Variants in AUTS2 observed in about 807,000 individuals in gnomAD.
The protein encoded by AUTS2 is activator of transcription and developmental regulator AUTS2.
In AUTS2, 17 loss-of-function variants were observed where a neutral mutation model predicts 112.4. The ratio of observed to expected loss-of-function variants is 0.15; its 90% CI spans 0.10 to 0.23. The LOEUF (loss-of-function observed/expected upper bound fraction) is 0.23, where lower values mean the gene tolerates loss of function less well. Ranked by LOEUF, AUTS2 falls within the 10% of genes least tolerant of loss-of-function variation. The pLI, the probability that AUTS2 is intolerant of heterozygous loss-of-function variation, is 1.00. For synonymous variants in AUTS2, 751 were observed against 702.7 expected (o/e 1.07, Z -1.09); for missense variants, 1,510 against 1,701.6 (o/e 0.89, Z 1.98).
chr7:70,156,890 G>GCA lies in AUTS2; in HGVS notation c.660+22319_660+22320insCA, dbSNP rs1357928695. Among the ~76,000 whole-genome samples the GCA allele has an allele frequency of 6.5e-3, 39 of 6,018 alleles. 1 individual carries two copies. Among genetic ancestry groups the GCA allele is most frequent in the Middle Eastern group, 0.12 (1 of 8 alleles). 3.9% of individuals were successfully genotyped at this position (6,018 alleles called of 152,430 possible). ...TAGTGAAACCCCATCTCTACTAAAA[G>GCA]TAAAAAAAAAAAAAAAAAAAAAAAA... On this transcript the variant is annotated intron_variant, in intron 4 of 18. Coordinates refer to ENST00000342771, the MANE Select transcript of AUTS2 (RefSeq NM_015570.4).
chr7:70,665,453 A>ATT (rs1807291501), intron 5 of AUTS2, among the ~76,000 whole-genome samples: 1 of 150,108 alleles, frequency 6.7e-6, no homozygotes, highest in South Asian at 2.1e-4. Context: ...CTATTTATCT[A>ATT]TTTATTTATT....
intron 4 of AUTS2, among the ~76,000 whole-genome samples, chr7:70,346,939 G>T (rs796995631): frequency 6.6e-6 from 1 of 152,140 alleles, no homozygotes; most frequent in African/African-American, 2.4e-5. Flanking sequence ...TTCTGGCCAC[G>T]TGAACTACAT....
intron 5 of AUTS2, among the ~76,000 whole-genome samples, chr7:70,593,596 C>T (rs1364109883): frequency 6.6e-6 from 1 of 152,180 alleles, no homozygotes; most frequent in Non-Finnish European, 1.5e-5. Flanking sequence ...GTTCACTGCA[C>T]ATGTCTTAAT....
intron 5 of AUTS2, among the ~76,000 whole-genome samples, chr7:70,674,429 T>C (rs1382407892): frequency 2.6e-5 from 4 of 152,212 alleles, no homozygotes; most frequent in Admixed American, 2.6e-4. Flanking sequence ...GATTGCAGTC[T>C]TTCAGAGATA....
intron 2 of AUTS2, among the ~76,000 whole-genome samples, chr7:69,932,040 T>C (rs1043762387): frequency 6.6e-6 from 1 of 152,238 alleles, no homozygotes; most frequent in African/African-American, 2.4e-5. Flanking sequence ...CCCCTGAGTC[T>C]GGAGGTCTGG....
At chr7:70,074,662 A>T (rs369721550) in intron 2 of AUTS2, among the ~76,000 whole-genome samples, 2 of 152,164 alleles carry the variant, frequency 1.3e-5, no homozygotes, top group East Asian at 1.9e-4. Flanking sequence ...CTAAGATTGA[A>T]GTCCTGTCAT....
chr7:70,052,714 C>T (rs1316295647), intron 2 of AUTS2, among the ~76,000 whole-genome samples: 1 of 152,208 alleles, frequency 6.6e-6, no homozygotes, highest in Admixed American at 6.5e-5. Flanking sequence ...ACTATACCTA[C>T]TGAAGTCCTA....
intron 2 of AUTS2, among the ~76,000 whole-genome samples, chr7:70,077,809 G>T (rs1322741386): frequency 6.6e-6 from 1 of 152,016 alleles, no homozygotes; most frequent in Non-Finnish European, 1.5e-5. Flanking sequence ...GCAATACATC[G>T]CTCCCTTTCT....
intron 2 of AUTS2, among the ~76,000 whole-genome samples, chr7:69,999,724 A>G (rs1288129128): frequency 6.6e-6 from 1 of 152,212 alleles, no homozygotes; most frequent in Non-Finnish European, 1.5e-5. Context: ...GTGAAGTTTT[A>G]CACATTACAT....
Position 70,192,076 on chromosome 7 carries a change from A to G in AUTS2, c.660+57505A>G, listed in dbSNP as rs143699122. On this transcript the variant is annotated intron_variant, in intron 4 of 18. Coordinates refer to ENST00000342771, the MANE Select transcript of AUTS2 (RefSeq NM_015570.4). Reference sequence around the variant, plus strand: ...TGTTTTACCTCTGTAGTTTTAGGCAAATCACTTAACTTGATTGAATCTCAG... The same window carrying G: ...TGTTTTACCTCTGTAGTTTTAGGCAGATCACTTAACTTGATTGAATCTCAG... Among the ~76,000 whole-genome samples, 293 of 152,302 alleles carry G rather than the reference A, an allele frequency of 1.9e-3. 1 individual carries two copies. The highest frequency in any genetic ancestry group is 6.3e-3 in the African/African-American group (261 of 41,566).
chr7:69,893,777 C>A (rs1794623894), intron 1 of AUTS2, among the ~76,000 whole-genome samples: 1 of 152,172 alleles, frequency 6.6e-6, no homozygotes, highest in African/African-American at 2.4e-5. Flanking sequence ...TTGTCTCTGG[C>A]TTCATCTGTA....
At chr7:69,841,614 G>A (rs1172679709) in intron 1 of AUTS2, among the ~76,000 whole-genome samples, 1 of 152,182 alleles carries the variant, frequency 6.6e-6, no homozygotes, top group African/African-American at 2.4e-5. Flanking sequence ...TCATTCTCAA[G>A]AAAACTGGTA....
intron 5 of AUTS2, among the ~76,000 whole-genome samples, chr7:70,486,901 C>CT (rs899966451): frequency 8.8e-6 from 1 of 113,768 alleles, no homozygotes; most frequent in African/African-American, 3.8e-5. Context: ...TTGTATTCCC[C>CT]CCCCCCCAAA....
chr7:70,606,211 A>G (rs997436441), intron 5 of AUTS2, among the ~76,000 whole-genome samples: 2 of 152,230 alleles, frequency 1.3e-5, no homozygotes, highest in Non-Finnish European at 2.9e-5. Flanking sequence ...CCAGACCTTT[A>G]AAAGTGAGCC....
At chr7:69,948,940 G>A (rs1253320102) in intron 2 of AUTS2, among the ~76,000 whole-genome samples, 2 of 151,914 alleles carry the variant, frequency 1.3e-5, no homozygotes, top group South Asian at 2.1e-4. Flanking sequence ...CAAGTAGCTG[G>A]GACTACAGGC....
At chr7:70,193,645 T>C (rs1189982478) in intron 4 of AUTS2, among the ~76,000 whole-genome samples, 1 of 152,208 alleles carries the variant, frequency 6.6e-6, no homozygotes, top group Admixed American at 6.5e-5. Flanking sequence ...AAGACAAAGA[T>C]GTCCAGCAAT....
intron 1 of AUTS2, among the ~76,000 whole-genome samples, chr7:69,661,956 C>G (rs975264901): frequency 3.3e-5 from 5 of 152,170 alleles, no homozygotes; most frequent in African/African-American, 1.2e-4. Flanking sequence ...GGGGGATTCT[C>G]CTGGGCGTAT....
At chr7:70,071,091 A>G (rs1802746346) in intron 2 of AUTS2, among the ~76,000 whole-genome samples, 1 of 152,176 alleles carries the variant, frequency 6.6e-6, no homozygotes, top group African/African-American at 2.4e-5. Flanking sequence ...ACCTAATGGC[A>G]TATAATAAAT....
intron 5 of AUTS2, among the ~76,000 whole-genome samples, chr7:70,578,515 C>A (rs1255169095): frequency 6.6e-6 from 1 of 152,244 alleles, no homozygotes; most frequent in Non-Finnish European, 1.5e-5. Flanking sequence ...GTAACCCCAT[C>A]TTGCTGAAGT....
Sources: allele counts gnomAD v4.1 joint callset (sites outside exome capture counted in the v4.1 genomes callset), GRCh38; gene constraint gnomAD v4.1.1; transcripts MANE v1.5; gene names NCBI Gene and HGNC (gene_info 2026-07-23, HGNC 2026-07-21).